KCND3: variants seen among roughly 807,000 people sequenced by gnomAD.
The protein encoded by KCND3 is A-type voltage-gated potassium channel KCND3.
Under a neutral mutation model 51.1 loss-of-function variants are expected in KCND3, and 9 were observed. That is an observed-to-expected ratio of 0.18 (90% CI 0.11 to 0.31). KCND3 has a LOEUF of 0.31. Ranked by LOEUF, KCND3 falls within the 10% of genes least tolerant of loss-of-function variation. KCND3 has a pLI of 1.00. For synonymous variants in KCND3, 349 were observed against 368.0 expected (o/e 0.95, Z 0.59); for missense variants, 526 against 903.8 (o/e 0.58, Z 5.36).
chr1:111,888,681 CAAAAA>C (rs34732548), intron 2 of KCND3, among the ~76,000 whole-genome samples: 2 of 103,602 alleles, frequency 1.9e-5, no homozygotes, highest in Non-Finnish European at 2.0e-5. Context: ...CACTCCATCT[CAAAAA>C]AAAAAAAAAA....
chr1:111,876,474 A>G (rs894996980), intron 2 of KCND3, among the ~76,000 whole-genome samples: 1 of 152,080 alleles, frequency 6.6e-6, no homozygotes, highest in South Asian at 2.1e-4. Context: ...TAATTCCCAC[A>G]ATGCATCCCC....
rs149882418 is a variant in KCND3, at chr1:111,777,695, T to C, written c.1519-422A>G. Among the ~76,000 whole-genome samples, 1,029 of 152,330 alleles carry C rather than the reference T, an allele frequency of 6.8e-3. 16 individuals carry two copies. Among genetic ancestry groups the C allele is most frequent in the African/African-American group, 0.023 (953 of 41,564 alleles). On this transcript the variant is annotated intron_variant, in intron 6 of 7. Transcript: ENST00000302127. ...TGTGGGAAGTGGGTATGCTAGGTTG[T>C]CTTTCCTGGATTTAATAGGTAAGGG...
intron 2 of KCND3, among the ~76,000 whole-genome samples, chr1:111,878,093 T>C (rs1352529144): frequency 6.6e-6 from 1 of 152,196 alleles, no homozygotes; most frequent in Non-Finnish European, 1.5e-5. Flanking sequence ...TGGGGGATGA[T>C]GTGTGCCTGG....
intron 2 of KCND3, among the ~76,000 whole-genome samples, chr1:111,953,903 A>G (rs1673185398): frequency 6.6e-6 from 1 of 152,058 alleles, no homozygotes; most frequent in East Asian, 1.9e-4. Flanking sequence ...CCTGCTCCAG[A>G]TCACTCTCTA....
chr1:111,936,882 A>G (rs541416418), intron 2 of KCND3, among the ~76,000 whole-genome samples: 1 of 152,342 alleles, frequency 6.6e-6, no homozygotes, highest in Non-Finnish European at 1.5e-5. Flanking sequence ...TTTCTGGTAC[A>G]TATGAGCCAC....
intron 2 of KCND3, among the ~76,000 whole-genome samples, chr1:111,814,436 G>C (rs1221239690): frequency 1.3e-5 from 2 of 152,212 alleles, no homozygotes; most frequent in Non-Finnish European, 2.9e-5. Context: ...TCCACTATAA[G>C]TAACACACCT....
chr1:111,961,353 C>A (rs911377883), intron 2 of KCND3, among the ~76,000 whole-genome samples: 2 of 152,220 alleles, frequency 1.3e-5, no homozygotes, highest in Non-Finnish European at 2.9e-5. Context: ...CCAACTCATC[C>A]CTGATAAATA....
intron 2 of KCND3, among the ~76,000 whole-genome samples, chr1:111,842,618 A>G (rs985799200): frequency 5.9e-5 from 9 of 152,216 alleles, no homozygotes; most frequent in African/African-American, 2.2e-4. Context: ...CGGGAGCTCC[A>G]CGGAGTAGCT....
intron 2 of KCND3, among the ~76,000 whole-genome samples, chr1:111,947,845 C>T (rs745443680): frequency 2.3e-4 from 35 of 152,238 alleles, no homozygotes; most frequent in Admixed American, 9.1e-4. Context: ...AATTGTTGTT[C>T]GATTAGTTTT....
chr1:111,928,936 A>G (rs1255175386), intron 2 of KCND3, among the ~76,000 whole-genome samples: 1 of 152,236 alleles, frequency 6.6e-6, no homozygotes, highest in East Asian at 1.9e-4. Flanking sequence ...CAGATGAGAT[A>G]ACAAGCCTGT....
At chr1:111,790,453 G>A (rs1664779388) in intron 2 of KCND3, among the ~76,000 whole-genome samples, 1 of 152,158 alleles carries the variant, frequency 6.6e-6, no homozygotes, top group African/African-American at 2.4e-5. Context: ...CAGATAAGCT[G>A]CCATATTTCC....
intron 2 of KCND3, among the ~76,000 whole-genome samples, chr1:111,979,568 G>A (rs898124563): frequency 1.3e-5 from 2 of 152,192 alleles, no homozygotes; most frequent in African/African-American, 4.8e-5. Flanking sequence ...GATGGCATGG[G>A]AATGAGTAGT....
At position 111,960,267 on chromosome 1, in the gene KCND3, C is replaced by G. The variant is rs552963231; in HGVS notation, c.1106+21354G>C. Among the ~76,000 whole-genome samples the G allele has an allele frequency of 6.7e-4, 102 of 152,304 alleles. 1 individual carries two copies. The highest frequency in any genetic ancestry group is 2.4e-3 in the African/African-American group (99 of 41,570). On this transcript the variant is annotated intron_variant, in intron 2 of 7. Transcript: ENST00000302127. ...TCCTCTACCCAAGCTGACTTCACAG[C>G]AGACCCCATGTAAATGCTTCAGGGC... is the stretch of plus-strand genomic sequence containing the variant.
intron 2 of KCND3, among the ~76,000 whole-genome samples, chr1:111,960,004 A>G (rs1341961442): frequency 1.3e-5 from 2 of 150,340 alleles, no homozygotes; most frequent in African/African-American, 4.9e-5. Context: ...TTTGCTCAGC[A>G]CTCACTCTTC....
intron 2 of KCND3, among the ~76,000 whole-genome samples, chr1:111,851,206 C>T (rs1373059278): frequency 1.3e-5 from 2 of 152,178 alleles, no homozygotes; most frequent in Non-Finnish European, 2.9e-5. Flanking sequence ...CTTTAAAAGG[C>T]TCTTCTTGTG....
rs1175321035 is a variant in KCND3 at position 111,817,250 on chromosome 1, A to C, written c.1107-30144T>G. On this transcript the variant is annotated intron_variant, in intron 2 of 7. Transcript: ENST00000302127. ...GTCATTTTAGCTCATCAAAATACCA[A>C]AAATTAGGGAGAAAATAAATGAGAA... Among the ~76,000 whole-genome samples the C allele has an allele frequency of 2.6e-5, 4 of 152,186 alleles. No homozygotes were observed. The East Asian group carries it at 5.8e-4, about 22-fold the overall frequency.
At chr1:111,940,121 A>G (rs1422459604) in intron 2 of KCND3, among the ~76,000 whole-genome samples, 2 of 88,792 alleles carry the variant, frequency 2.3e-5, no homozygotes, top group Non-Finnish European at 4.2e-5. Context: ...GATTCTGGAT[A>G]TTAGCCCTTT....
chr1:111,926,241 C>G (rs1320305575), intron 2 of KCND3, among the ~76,000 whole-genome samples: 1 of 152,180 alleles, frequency 6.6e-6, no homozygotes, highest in African/African-American at 2.4e-5. Flanking sequence ...TTAGGGTAGG[C>G]CACACTGCAC....
chr1:111,829,516 T>C (rs1666736279), intron 2 of KCND3, among the ~76,000 whole-genome samples: 1 of 152,096 alleles, frequency 6.6e-6, no homozygotes, highest in Admixed American at 6.5e-5. Context: ...AGTTGGAGAA[T>C]GGTCTTCAGG....
Sources: gnomAD v4.1 joint callset for allele counts (sites outside exome capture counted in the v4.1 genomes callset) on GRCh38, gnomAD v4.1.1 for gene constraint, MANE v1.5 for transcripts, NCBI Gene and HGNC (gene_info 2026-07-23, HGNC 2026-07-21) for gene names.